PEBP4: variants seen among roughly 807,000 people sequenced by gnomAD.
PEBP4 encodes the protein phosphatidylethanolamine-binding protein 4.
Under a neutral mutation model 23.9 loss-of-function variants are expected in PEBP4, and 22 were observed. The ratio of observed to expected loss-of-function variants is 0.92; its 90% CI spans 0.66 to 1.31. The LOEUF (loss-of-function observed/expected upper bound fraction) is 1.31, where lower values mean the gene tolerates loss of function less well. PEBP4 is among the 40% of genes most tolerant of loss of function. The pLI, the probability that PEBP4 is intolerant of heterozygous loss-of-function variation, is 0.00. For missense variants in PEBP4, 324 were observed against 281.7 expected, an observed-to-expected ratio of 1.15 and a Z score of -1.07; for synonymous variants, 112 against 99.3, an observed-to-expected ratio of 1.13 and a Z score of -0.76.
At chr8:22,746,929 G>C (rs1007443947) in intron 4 of PEBP4, among the ~76,000 whole-genome samples, 3 of 152,144 alleles carry the variant, frequency 2.0e-5, no homozygotes, top group Non-Finnish European at 4.4e-5. Flanking sequence ...CGGCTCAAGT[G>C]ATCTTCCCAT....
At chr8:22,723,862 G>A (rs1447543332) in intron 6 of PEBP4, among the ~76,000 whole-genome samples, 1 of 152,104 alleles carries the variant, frequency 6.6e-6, no homozygotes, top group Non-Finnish European at 1.5e-5. Context: ...TGCCTTTCTG[G>A]GCTCCATGTT....
At chr8:22,741,244 C>T (rs1007735827) in intron 4 of PEBP4, among the ~76,000 whole-genome samples, 7 of 152,194 alleles carry the variant, frequency 4.6e-5, no homozygotes, top group Admixed American at 3.3e-4. Context: ...GCCGTTCTCA[C>T]GTGCCTTGGT....
chr8:22,875,138 G>A (rs1289277787), intron 3 of PEBP4, among the ~76,000 whole-genome samples: 3 of 151,548 alleles, frequency 2.0e-5, no homozygotes, highest in Non-Finnish European at 2.9e-5. Context: ...TTTAGCCCTC[G>A]GAGCCAGCTG....
intron 4 of PEBP4, among the ~76,000 whole-genome samples, chr8:22,744,190 C>T (rs759066567): frequency 4.1e-4 from 63 of 152,234 alleles, no homozygotes; most frequent in Non-Finnish European, 7.2e-4. Flanking sequence ...TGGAAATTAA[C>T]ATGCAATCTT....
intron 3 of PEBP4, among the ~76,000 whole-genome samples, chr8:22,848,247 C>A (rs891537920): frequency 6.6e-6 from 1 of 152,136 alleles, no homozygotes; most frequent in African/African-American, 2.4e-5. Context: ...CAGTCACCAG[C>A]CAGAGAGAGA....
chr8:22,723,291 G>A (rs1430897639), intron 6 of PEBP4, among the ~76,000 whole-genome samples: 1 of 152,140 alleles, frequency 6.6e-6, no homozygotes, highest in African/African-American at 2.4e-5. Flanking sequence ...TGTGGTTTCT[G>A]GAGGACAGGC....
chr8:22,893,575 T>C (rs1808536654), intron 3 of PEBP4, among the ~76,000 whole-genome samples: 1 of 152,228 alleles, frequency 6.6e-6, no homozygotes, highest in Non-Finnish European at 1.5e-5. Flanking sequence ...GGGGAAGGCT[T>C]ATATATTCCC....
chr8:22,773,582 T>C (rs1304920756), intron 4 of PEBP4, among the ~76,000 whole-genome samples: 1 of 152,158 alleles, frequency 6.6e-6, no homozygotes, highest in Non-Finnish European at 1.5e-5. Context: ...ACAGAACAGC[T>C]GCCTGCTCAT....
chr8:22,739,787 G>A (rs1478351723), intron 4 of PEBP4, among the ~76,000 whole-genome samples: 1 of 152,096 alleles, frequency 6.6e-6, no homozygotes, highest in Non-Finnish European at 1.5e-5. Context: ...GACCCATCCT[G>A]TTCTCTACTG....
chr8:22,824,233 T>C (rs1806921266), intron 3 of PEBP4, among the ~76,000 whole-genome samples: 1 of 152,224 alleles, frequency 6.6e-6, no homozygotes, highest in African/African-American at 2.4e-5. Context: ...TAAAATGCAT[T>C]GCTTTTATAC....
intron 3 of PEBP4, among the ~76,000 whole-genome samples, chr8:22,894,940 G>A (rs1181178062): frequency 6.6e-6 from 1 of 152,080 alleles, no homozygotes; most frequent in East Asian, 1.9e-4. Context: ...CCCTGAGGTC[G>A]ACACTTACCA....
intron 4 of PEBP4, among the ~76,000 whole-genome samples, chr8:22,793,197 T>C (rs1035424353): frequency 3.6e-4 from 55 of 152,200 alleles, no homozygotes; most frequent in African/African-American, 1.3e-3. Context: ...TTTCTTTTCA[T>C]GTAAAAAATG....
intron 4 of PEBP4, among the ~76,000 whole-genome samples, chr8:22,744,274 A>G (rs11781095): frequency 0.18 from 27,656 of 152,186 alleles, 2,791 homozygotes; most frequent in East Asian, 0.47. Flanking sequence ...AGGTGGGATG[A>G]GCAGAATCAG....
chr8:22,894,569 G>A (rs2128775383), intron 3 of PEBP4, among the ~76,000 whole-genome samples: 1 of 152,200 alleles, frequency 6.6e-6, no homozygotes, highest in Admixed American at 6.5e-5. Context: ...GCAACAGAGT[G>A]AGACCCTGTC....
chr8:22,858,303 C>T (rs757392635), intron 3 of PEBP4, among the ~76,000 whole-genome samples: 3 of 152,140 alleles, frequency 2.0e-5, no homozygotes, highest in Admixed American at 6.5e-5. Context: ...TTTTTAGCAA[C>T]GTGGCTTAAG....
chr8:22,812,881 A>G (rs951045605), intron 4 of PEBP4, among the ~76,000 whole-genome samples: 1 of 152,064 alleles, frequency 6.6e-6, no homozygotes, highest in Non-Finnish European at 1.5e-5. Flanking sequence ...TCCTCTTTGC[A>G]TATGTAATTT....
intron 4 of PEBP4, among the ~76,000 whole-genome samples, chr8:22,740,803 G>A (rs572033758): frequency 1.3e-5 from 2 of 152,174 alleles, no homozygotes; most frequent in African/African-American, 2.4e-5. Context: ...AAGGAGGGAG[G>A]CACAGCCCTT....
intron 3 of PEBP4, among the ~76,000 whole-genome samples, chr8:22,918,929 G>GCACGCAAGTGTGTGTGTGCACATGTGCA (rs1554497495): frequency 4.0e-5 from 6 of 151,026 alleles, no homozygotes; most frequent in Admixed American, 2.6e-4. Context: ...GTGTGTGTGT[G>GCACGCAAGTGTGTGTGTGCACATGTGCA]CACATGTGCA....
intron 3 of PEBP4, chr8:22,885,341 C>T (rs1394709266): frequency 2.6e-5 from 4 of 152,144 alleles, no homozygotes; most frequent in Non-Finnish European, 5.9e-5. Context: ...TTCTCAGAGT[C>T]ACACAGATAG....
Sources: allele counts gnomAD v4.1 joint callset (sites outside exome capture counted in the v4.1 genomes callset), GRCh38; gene constraint gnomAD v4.1.1; transcripts MANE v1.5; gene names NCBI Gene and HGNC (gene_info 2026-07-23, HGNC 2026-07-21).